KCNK2: variants seen among roughly 807,000 people sequenced by gnomAD.
KCNK2 encodes potassium two pore domain channel subfamily K member 2, also known as potassium channel subfamily K member 2.
Under a neutral mutation model 40.5 loss-of-function variants are expected in KCNK2, and 21 were observed. The observed-to-expected ratio is 0.52, with a 90% CI of 0.37 to 0.75. The LOEUF is 0.75. Ranked by LOEUF, KCNK2 falls within the 30% of genes least tolerant of loss-of-function variation. The pLI, the probability that KCNK2 is intolerant of heterozygous loss-of-function variation, is 0.00. For synonymous variants in KCNK2, 191 were observed against 202.2 expected (o/e 0.94, Z 0.47); for missense variants, 399 against 531.6 (o/e 0.75, Z 2.45).
chr1:215,029,294 G>A (rs1003306663), intron 1 of KCNK2, among the ~76,000 whole-genome samples: 2 of 151,374 alleles, frequency 1.3e-5, no homozygotes, highest in Admixed American at 1.3e-4. Context: ...CTCCCTCCCC[G>A]ACCGCATGGT....
intron 3 of KCNK2, among the ~76,000 whole-genome samples, chr1:215,128,864 T>C (rs1309508747): frequency 6.6e-6 from 1 of 152,190 alleles, no homozygotes; most frequent in Non-Finnish European, 1.5e-5. Flanking sequence ...AAAGAATGCA[T>C]TGAAAATAAT....
At chr1:215,085,305 C>T (rs968798048) in intron 1 of KCNK2, among the ~76,000 whole-genome samples, 1 of 152,058 alleles carries the variant, frequency 6.6e-6, no homozygotes, top group Non-Finnish European at 1.5e-5. Context: ...TATTTTTCGG[C>T]CATTCTATTA....
chr1:215,230,840 G>C (rs895683490), intron 6 of KCNK2, among the ~76,000 whole-genome samples: 2 of 151,472 alleles, frequency 1.3e-5, no homozygotes, highest in African/African-American at 2.4e-5. Flanking sequence ...TTCCACCTCT[G>C]GGAATTCTAC....
chr1:215,180,878 G>C (rs898717259), intron 5 of KCNK2, among the ~76,000 whole-genome samples: 7 of 152,052 alleles, frequency 4.6e-5, no homozygotes, highest in African/African-American at 1.7e-4. Context: ...GTGTTCTCTG[G>C]ATTTCTTGTA....
intron 6 of KCNK2, among the ~76,000 whole-genome samples, chr1:215,230,578 A>C (rs1666615778): frequency 1.7e-5 from 1 of 60,526 alleles, no homozygotes; most frequent in African/African-American, 5.6e-5. Context: ...ATATATATAC[A>C]AGACCGTAAT....
chr1:215,059,530 CA>C (rs1323758465), intron 1 of KCNK2, among the ~76,000 whole-genome samples: 21 of 152,240 alleles, frequency 1.4e-4, no homozygotes, highest in South Asian at 1.2e-3. Context: ...TTTCTACTTT[CA>C]ATGTACACAC....
chr1:215,010,407 G>A (rs189450191), intron 1 of KCNK2, among the ~76,000 whole-genome samples: 271 of 152,236 alleles, frequency 1.8e-3, no homozygotes, highest in Non-Finnish European at 2.9e-3. Flanking sequence ...AGAGGAAATC[G>A]TAGAATAGAG....
chr1:215,065,359 C>T (rs1658501302), intron 1 of KCNK2, among the ~76,000 whole-genome samples: 1 of 151,880 alleles, frequency 6.6e-6, no homozygotes, highest in Admixed American at 6.6e-5. Flanking sequence ...CTTTAAATTT[C>T]CACAAATGAC....
chr1:215,091,318 A>G (rs2102536715), intron 2 of KCNK2, among the ~76,000 whole-genome samples: 1 of 152,258 alleles, frequency 6.6e-6, no homozygotes, highest in Non-Finnish European at 1.5e-5. Flanking sequence ...AAAGTAGACC[A>G]TGGAGCATTG....
intron 3 of KCNK2, among the ~76,000 whole-genome samples, chr1:215,133,452 G>A (rs1661760866): frequency 6.6e-6 from 1 of 152,050 alleles, no homozygotes; most frequent in East Asian, 1.9e-4. Flanking sequence ...CTGACCACCA[G>A]ACATCCAAGT....
chr1:215,039,415 T>C (rs1243307814), intron 1 of KCNK2, among the ~76,000 whole-genome samples: 2 of 152,148 alleles, frequency 1.3e-5, no homozygotes, highest in African/African-American at 2.4e-5. Flanking sequence ...AGAATCTTTT[T>C]TCTAGTTTTG....
At chr1:215,191,352 A>G (rs1664657867) in intron 5 of KCNK2, among the ~76,000 whole-genome samples, 1 of 151,926 alleles carries the variant, frequency 6.6e-6, no homozygotes, top group Non-Finnish European at 1.5e-5. Flanking sequence ...TTGCCTAATC[A>G]ATGATTCTTT....
Position 215,235,602 on chromosome 1 carries a change from AAG to A in KCNK2, c.*459_*460del, listed in dbSNP as rs969187742. 4 of 154,124 alleles carry A rather than the reference AAG, an allele frequency of 2.6e-5. No individual in the cohort carries two copies. The highest frequency in any genetic ancestry group is 1.9e-4 in the Admixed American group (3 of 15,518). 9.5% of individuals were successfully genotyped at this position (154,124 alleles called of 1,614,324 possible). A position where few individuals can be genotyped will look rare whatever the true frequency, so the allele number is the denominator to read the frequency against. ...GAAATTCTTATGCAGCCTTTTACCT[AAG>A]AAATTTTCTGTCAGTGCCTTATCTT... is the stretch of plus-strand genomic sequence containing the variant. On this transcript the variant is annotated 3_prime_UTR_variant, in exon 7 of 7. Transcript: ENST00000444842.
intron 1 of KCNK2, among the ~76,000 whole-genome samples, chr1:215,030,570 TGTGGCCCAGTCTGGA>T (rs1447355797): frequency 6.6e-6 from 1 of 152,070 alleles, no homozygotes; most frequent in Non-Finnish European, 1.5e-5. Context: ...AGTTTCACTC[TGTGGCCCAGTCTGGA>T]GTGTAGCGGT....
intron 1 of KCNK2, among the ~76,000 whole-genome samples, chr1:215,009,387 C>T (rs1424470963): frequency 1.3e-5 from 2 of 152,058 alleles, no homozygotes; most frequent in South Asian, 4.1e-4. Context: ...TCAGCAGCAG[C>T]TATTAAAGAA....
intron 2 of KCNK2, among the ~76,000 whole-genome samples, chr1:215,104,851 G>A (rs1382216298): frequency 1.1e-4 from 16 of 151,838 alleles, no homozygotes; most frequent in Admixed American, 1.1e-3. Flanking sequence ...AGGGGCTATG[G>A]GGTTTTTTTT....
chr1:215,043,166 A>C (rs542065268), intron 1 of KCNK2, among the ~76,000 whole-genome samples: 8 of 152,206 alleles, frequency 5.3e-5, no homozygotes, highest in African/African-American at 1.9e-4. Context: ...GTTAGAAAAG[A>C]TGTGGAGAAG....
At chr1:215,154,239 T>G (rs879739458) in intron 3 of KCNK2, among the ~76,000 whole-genome samples, 2 of 152,130 alleles carry the variant, frequency 1.3e-5, no homozygotes, top group African/African-American at 2.4e-5. Context: ...TATTTCTCCT[T>G]AGCCTTGTGA....
chr1:215,045,632 C>T (rs1181427144), intron 1 of KCNK2, among the ~76,000 whole-genome samples: 2 of 152,138 alleles, frequency 1.3e-5, no homozygotes, highest in African/African-American at 4.8e-5. Flanking sequence ...ATATGAAAAA[C>T]CTGTCCTTGA....
Sources: gnomAD v4.1 joint callset for allele counts (sites outside exome capture counted in the v4.1 genomes callset) on GRCh38, gnomAD v4.1.1 for gene constraint, MANE v1.5 for transcripts, NCBI Gene and HGNC (gene_info 2026-07-23, HGNC 2026-07-21) for gene names.